The following CCSER1 variants were observed in gnomAD, a reference collection of about 807,000 sequenced individuals.
CCSER1 encodes the protein serine-rich coiled-coil domain-containing protein 1.
A neutral mutation model predicts 82.0 loss-of-function variants in CCSER1; 41 were observed. The ratio of observed to expected loss-of-function variants is 0.50; its 90% CI spans 0.39 to 0.65. CCSER1 has a LOEUF of 0.65. CCSER1 is among the 30% of genes least tolerant of loss of function. CCSER1 has a pLI of 0.00. For synonymous variants in CCSER1, 414 were observed against 383.9 expected (o/e 1.08, Z -0.92); for missense variants, 1,119 against 1,064.2 (o/e 1.05, Z -0.72).
intron 6 of CCSER1, among the ~76,000 whole-genome samples, chr4:90,633,414 C>T (rs561073358): frequency 6.6e-6 from 1 of 151,996 alleles, no homozygotes; most frequent in South Asian, 2.1e-4. Flanking sequence ...TTTGTATGCC[C>T]AAGTCTATCA....
At chr4:90,602,133 G>A (rs993831506) in intron 5 of CCSER1, among the ~76,000 whole-genome samples, 1 of 152,106 alleles carries the variant, frequency 6.6e-6, no homozygotes, top group African/African-American at 2.4e-5. Context: ...AGTTTTGGAA[G>A]CTCTGACTAT....
At chr4:90,225,394 C>T (rs1742978937) in intron 1 of CCSER1, among the ~76,000 whole-genome samples, 1 of 151,862 alleles carries the variant, frequency 6.6e-6, no homozygotes, top group African/African-American at 2.4e-5. Flanking sequence ...CTTTCTGTTA[C>T]CTATTCTAAA....
At chr4:90,900,543 T>A (rs909551290) in intron 8 of CCSER1, among the ~76,000 whole-genome samples, 3 of 151,948 alleles carry the variant, frequency 2.0e-5, no homozygotes, top group Non-Finnish European at 4.4e-5. Context: ...CTTTAGTTAT[T>A]TGCGCAAAAG....
At chr4:91,557,214 G>T (rs1190577948) in intron 10 of CCSER1, among the ~76,000 whole-genome samples, 1 of 151,178 alleles carries the variant, frequency 6.6e-6, no homozygotes, top group African/African-American at 2.4e-5. Context: ...AGGAGCTCTT[G>T]GTATCCACGT....
rs73833726 is a variant in CCSER1 at position 90,606,138 on chromosome 4, A to G, written c.1725-21887A>G. On this transcript the variant is annotated intron_variant, in intron 5 of 10. Transcript: ENST00000509176. ...TTTTAAACACCGAAGAGATAAGTTT[A>G]TACACTTGGACTCTGTTATTAATAA... Among the ~76,000 whole-genome samples, 451 of 152,258 alleles carry G rather than the reference A, an allele frequency of 3.0e-3. 3 individuals are homozygous for G. Among genetic ancestry groups the G allele is most frequent in the African/African-American group, 0.01 (435 of 41,552 alleles).
At chr4:90,324,160 T>C (rs1737692574) in intron 3 of CCSER1, among the ~76,000 whole-genome samples, 1 of 152,168 alleles carries the variant, frequency 6.6e-6, no homozygotes, top group Non-Finnish European at 1.5e-5. Flanking sequence ...AGCAGCATGA[T>C]TTACAATCCT....
intron 10 of CCSER1, among the ~76,000 whole-genome samples, chr4:91,510,822 T>C (rs1759778388): frequency 6.6e-6 from 1 of 152,200 alleles, no homozygotes; most frequent in African/African-American, 2.4e-5. Flanking sequence ...TTTAATTAGG[T>C]CCCACAGGTC....
At chr4:90,149,820 AAAAG>A (rs1726470316) in intron 1 of CCSER1, among the ~76,000 whole-genome samples, 1 of 152,134 alleles carries the variant, frequency 6.6e-6, no homozygotes, top group African/African-American at 2.4e-5. Context: ...AGTAAAGAAA[AAAAG>A]AGCAATATAT....
rs139666218 is a variant in CCSER1, at chr4:90,946,968, C to A, written c.2172+23521C>A. Among the ~76,000 whole-genome samples, 493 of 152,260 alleles carry A rather than the reference C, an allele frequency of 3.2e-3. 1 individual carries two copies. Among genetic ancestry groups the A allele is most frequent in the Non-Finnish European group, 4.8e-3 (326 of 67,994 alleles). On this transcript the variant is annotated intron_variant, in intron 9 of 10. Coordinates refer to ENST00000509176, the MANE Select transcript of CCSER1 (RefSeq NM_001145065.2). ...AGCAACGCTTCTCCAGGCTCCCTCA[C>A]TCTAAGACTCAGACTGGTGGAACAA...
chr4:91,306,564 C>G (rs1745085865), intron 10 of CCSER1, among the ~76,000 whole-genome samples: 1 of 152,004 alleles, frequency 6.6e-6, no homozygotes, highest in Non-Finnish European at 1.5e-5. Context: ...AGCTCCTCAT[C>G]TTAATACCTA....
chr4:91,466,768 A>C (rs1266247514), intron 10 of CCSER1, among the ~76,000 whole-genome samples: 1 of 152,192 alleles, frequency 6.6e-6, no homozygotes, highest in African/African-American at 2.4e-5. Context: ...CTTCAAAGAG[A>C]ATAAAATACC....
intron 10 of CCSER1, among the ~76,000 whole-genome samples, chr4:91,438,095 A>C (rs2149401332): frequency 6.6e-6 from 1 of 152,310 alleles, no homozygotes; most frequent in Non-Finnish European, 1.5e-5. Context: ...CTGCAGACTT[A>C]AATGTCCCTG....
chr4:90,250,727 A>C lies in CCSER1; in HGVS notation c.-41-57517A>C, dbSNP rs1051252699. ...TTCATATGAAATTTAGCAGCAGCTT[A>C]TCAATTTCTGCAATTTTAAAAAGGC... is the stretch of plus-strand genomic sequence containing the variant. On this transcript the variant is annotated intron_variant, in intron 1 of 10. Transcript: ENST00000509176. Among the ~76,000 whole-genome samples the C allele has an allele frequency of 2.0e-5, 3 of 152,142 alleles. 1 individual carries two copies. Among genetic ancestry groups the C allele is most frequent in the East Asian group, 3.9e-4 (2 of 5,180 alleles).
chr4:90,651,792 A>G (rs1728801599), intron 6 of CCSER1, among the ~76,000 whole-genome samples: 1 of 152,134 alleles, frequency 6.6e-6, no homozygotes, highest in Non-Finnish European at 1.5e-5. Flanking sequence ...TTCCAAGACA[A>G]GTTTTGGCAG....
intron 10 of CCSER1, among the ~76,000 whole-genome samples, chr4:91,369,565 G>A (rs1338154842): frequency 6.7e-6 from 1 of 149,060 alleles, no homozygotes; most frequent in Admixed American, 6.7e-5. Flanking sequence ...AATGTTTTGA[G>A]AGTTAATGAT....
At chr4:90,609,861 T>G (rs1785217796) in intron 5 of CCSER1, among the ~76,000 whole-genome samples, 1 of 152,204 alleles carries the variant, frequency 6.6e-6, no homozygotes, top group Non-Finnish European at 1.5e-5. Flanking sequence ...ATGTTTTAAA[T>G]TATTTTACTC....
chr4:90,552,017 A>G lies in CCSER1; in HGVS notation c.1725-76008A>G, dbSNP rs570393506. Among the ~76,000 whole-genome samples, 5 of 152,200 alleles carry G rather than the reference A, an allele frequency of 3.3e-5. No individual in the cohort carries two copies. In the East Asian group the frequency reaches 7.7e-4, roughly 24 times the overall value. On this transcript the variant is annotated intron_variant, in intron 5 of 10. Transcript: ENST00000509176. ...TGGAGGGAAGGAAATCTGTGTCCCC[A>G]CATGGAGAAAGGCAGAAGGGAAAGG... is the stretch of plus-strand genomic sequence containing the variant.
intron 1 of CCSER1, among the ~76,000 whole-genome samples, chr4:90,175,333 G>C (rs970310828): frequency 1.3e-5 from 2 of 151,948 alleles, no homozygotes; most frequent in Non-Finnish European, 2.9e-5. Flanking sequence ...CCAATCAGTG[G>C]TTCCATGAAG....
intron 7 of CCSER1, among the ~76,000 whole-genome samples, chr4:90,785,510 T>G (rs901732021): frequency 6.6e-6 from 1 of 152,230 alleles, no homozygotes; most frequent in African/African-American, 2.4e-5. Context: ...TAGAAAAGTC[T>G]ATTACTTTCA....
Sources: allele counts gnomAD v4.1 joint callset (sites outside exome capture counted in the v4.1 genomes callset), GRCh38; gene constraint gnomAD v4.1.1; transcripts MANE v1.5; gene names NCBI Gene and HGNC (gene_info 2026-07-23, HGNC 2026-07-21).